The following PCMT1 variants were observed in gnomAD, a reference collection of about 807,000 sequenced individuals.
PCMT1 encodes protein-L-isoaspartate(D-aspartate) O-methyltransferase.
A neutral mutation model predicts 29.2 loss-of-function variants in PCMT1; 9 were observed. That is an observed-to-expected ratio of 0.31 (90% CI 0.19 to 0.54). PCMT1 has a LOEUF of 0.54. PCMT1 is among the 20% of genes least tolerant of loss of function. PCMT1 has a pLI of 0.95. For missense variants in PCMT1, 184 were observed against 282.2 expected, an observed-to-expected ratio of 0.65 and a Z score of 2.49; for synonymous variants, 98 against 97.5, an observed-to-expected ratio of 1.00 and a Z score of -0.03.
At chr6:149,802,120 C>A in intron 6 of PCMT1, 80 bp from the exon 7 acceptor site, 1 of 1,028,288 alleles carries the variant, frequency 9.7e-7, no homozygotes, top group Non-Finnish European at 1.4e-6. Flanking sequence ...CAGAGTGAGA[C>A]CCTGTCTCAA....
chr6:149,771,089 G>A (rs546535672), intron 1 of PCMT1, 73 bp from the exon 2 acceptor site: 1 of 873,486 alleles, frequency 1.1e-6, no homozygotes, highest in Non-Finnish European at 1.9e-6. Flanking sequence ...CTATAGCACA[G>A]CTGGTGTAAT....
chr6:149,802,636 TTA>T lies in PCMT1; in HGVS notation c.*37+221_*37+222del. The T allele has an allele frequency of 5.1e-6, 2 of 391,498 alleles. 1 individual carries two copies. Among genetic ancestry groups the T allele is most frequent in the Non-Finnish European group, 7.8e-6 (2 of 255,458 alleles). 24.3% of individuals were successfully genotyped at this position (391,498 alleles called of 1,614,324 possible). A position where few individuals can be genotyped will look rare whatever the true frequency, so the allele number is the denominator to read the frequency against. The stretch of plus-strand genomic sequence containing the variant: ...TTTTGTTTGTTTGTTTGTTTTTTTT[TTA>T]GAGAGACTTTCAGCTTCAATTCAGT... On this transcript the variant is annotated intron_variant, in intron 7 of 7. Transcript: ENST00000464889.
chr6:149,804,056 G>C (rs1243633400), intron 7 of PCMT1, among the ~76,000 whole-genome samples: 3 of 145,568 alleles, frequency 2.1e-5, no homozygotes, highest in Admixed American at 1.4e-4. Context: ...CTTCTAGCCT[G>C]GGTGACAGAG....
chr6:149,782,799 A>AT (rs929826005), intron 3 of PCMT1, among the ~76,000 whole-genome samples: 3 of 152,112 alleles, frequency 2.0e-5, no homozygotes, highest in Admixed American at 6.5e-5. Context: ...AGCGAAAATG[A>AT]TTTTTTTCAG....
chr6:149,794,304 G>T (rs1310489233), intron 5 of PCMT1, among the ~76,000 whole-genome samples: 1 of 152,146 alleles, frequency 6.6e-6, no homozygotes, highest in African/African-American at 2.4e-5. Context: ...GTATTCCCCA[G>T]ACACACTCAG....
At chr6:149,782,673 T>C (rs1787861498) in intron 3 of PCMT1, among the ~76,000 whole-genome samples, 1 of 152,052 alleles carries the variant, frequency 6.6e-6, no homozygotes, top group African/African-American at 2.4e-5. Flanking sequence ...TGGAGAGAAT[T>C]TGAGAATCAA....
At chr6:149,802,464 G>A in intron 7 of PCMT1, 48 bp downstream of exon 7, 1 of 1,420,076 alleles carries the variant, frequency 7.0e-7, no homozygotes. Context: ...AGCTGTTTTT[G>A]GTTGTCACCT....
chr6:149,773,064 G>T, intron 2 of PCMT1, 74 bp from the exon 3 acceptor site: 1 of 1,098,448 alleles, frequency 9.1e-7, no homozygotes, highest in South Asian at 1.3e-5. Flanking sequence ...ACGTATGGAT[G>T]GTAGAAAAGA....
At chr6:149,784,882 A>T (rs2115289570) in intron 3 of PCMT1, among the ~76,000 whole-genome samples, 1 of 152,364 alleles carries the variant, frequency 6.6e-6, no homozygotes, top group African/African-American at 2.4e-5. Context: ...CAATGTCATT[A>T]TCATACCTAA....
chr6:149,798,294 G>A (rs546272399), intron 6 of PCMT1: 1 of 152,002 alleles, frequency 6.6e-6, no homozygotes, highest in African/African-American at 2.4e-5. Context: ...ATGACCAATG[G>A]GTTTTTAACT....
At chr6:149,787,318 G>A (rs1208130111) in intron 3 of PCMT1, among the ~76,000 whole-genome samples, 1 of 150,996 alleles carries the variant, frequency 6.6e-6, no homozygotes, top group Non-Finnish European at 1.5e-5. Context: ...GAGGGAGAGG[G>A]AGAGGGAGCG....
chr6:149,808,184 TAA>T (rs1327722270), intron 7 of PCMT1, among the ~76,000 whole-genome samples: 2 of 151,976 alleles, frequency 1.3e-5, no homozygotes, highest in Non-Finnish European at 2.9e-5. Context: ...AATAAATAAT[TAA>T]ATTATGTATA....
chr6:149,773,020 A>G, intron 2 of PCMT1, 118 bp from the exon 3 acceptor site: 1 of 753,268 alleles, frequency 1.3e-6, no homozygotes, highest in Non-Finnish European at 2.0e-6. Flanking sequence ...GTCTCAGAAA[A>G]AAAAAAAAAA....
chr6:149,757,744 C>T (rs1421402750), intron 1 of PCMT1, among the ~76,000 whole-genome samples: 1 of 152,158 alleles, frequency 6.6e-6, no homozygotes, highest in East Asian at 1.9e-4. Flanking sequence ...TTGACCATTT[C>T]ACTGTAAGGG....
At position 149,777,876 on chromosome 6, in the gene PCMT1, C is replaced by CT. The variant is rs57484963; in HGVS notation, c.192+4726dup. On this transcript the variant is annotated intron_variant, in intron 3 of 7. Transcript: ENST00000464889. ...TCCTTCCTTCTTTCCTTCTTTTCTT[C>CT]TTTTTTTTTTTTTTTTTTTCCACAA... Among the ~76,000 whole-genome samples the CT allele has an allele frequency of 4.0e-3, 449 of 111,068 alleles. 2 individuals carry two copies. The highest frequency in any genetic ancestry group is 6.4e-3 in the Non-Finnish European group (360 of 56,492). 72.9% of individuals were successfully genotyped at this position (111,068 alleles called of 152,430 possible). A position where few individuals can be genotyped will look rare whatever the true frequency, so the allele number is the denominator to read the frequency against.
intron 7 of PCMT1, among the ~76,000 whole-genome samples, chr6:149,806,284 G>A (rs1776012503): frequency 3.3e-5 from 5 of 152,146 alleles, no homozygotes; most frequent in Admixed American, 3.3e-4. Flanking sequence ...ACTCGCGGTA[G>A]GGAGCCAGGC....
At chr6:149,801,850 C>T (rs1369656372) in intron 6 of PCMT1, among the ~76,000 whole-genome samples, 3 of 152,164 alleles carry the variant, frequency 2.0e-5, no homozygotes, top group East Asian at 1.9e-4. Context: ...AAATCTGGGC[C>T]GGGCACAGTA....
chr6:149,795,194 A>C (rs1583051109), intron 5 of PCMT1: 1 of 44,840 alleles, frequency 2.2e-5, no homozygotes, highest in Non-Finnish European at 3.2e-5. Flanking sequence ...ACTTCGTCTC[A>C]AAAAAAAAAA....
At chr6:149,797,727 G>C (rs536622475) in intron 6 of PCMT1, 1 of 152,338 alleles carries the variant, frequency 6.6e-6, no homozygotes, top group Admixed American at 6.5e-5. Context: ...AGGTGACACT[G>C]TTTCTTCTGT....
Sources: allele counts gnomAD v4.1 joint callset (sites outside exome capture counted in the v4.1 genomes callset), GRCh38; gene constraint gnomAD v4.1.1; transcripts MANE v1.5; gene names NCBI Gene and HGNC (gene_info 2026-07-23, HGNC 2026-07-21).